The following KCNK10 variants were observed in gnomAD, a reference collection of about 807,000 sequenced individuals.
The protein encoded by KCNK10 is potassium channel subfamily K member 10.
A neutral mutation model predicts 47.7 loss-of-function variants in KCNK10; 25 were observed. That is an observed-to-expected ratio of 0.52 (90% CI 0.38 to 0.73). The LOEUF is 0.73. Among genes scored for constraint, KCNK10 ranks in the 30% least tolerant of loss-of-function variants. The pLI, the probability that KCNK10 is intolerant of heterozygous loss-of-function variation, is 0.00. For synonymous variants in KCNK10, 303 were observed against 285.6 expected, an observed-to-expected ratio of 1.06 and a Z score of -0.61; for missense variants, 563 against 714.5, an observed-to-expected ratio of 0.79 and a Z score of 2.42.
At chr14:88,281,010 C>T (rs1425601032) in intron 1 of KCNK10, among the ~76,000 whole-genome samples, 1 of 150,544 alleles carries the variant, frequency 6.6e-6, no homozygotes, top group Non-Finnish European at 1.5e-5. Context: ...AAACTCAGTG[C>T]CTCTCATCGT....
intron 1 of KCNK10, among the ~76,000 whole-genome samples, chr14:88,302,514 A>C (rs927089081): frequency 1.4e-4 from 21 of 152,212 alleles, no homozygotes; most frequent in Non-Finnish European, 3.1e-4. Flanking sequence ...GTTCAAGACC[A>C]GTCTGGCCAA....
intron 1 of KCNK10, among the ~76,000 whole-genome samples, chr14:88,311,719 A>C (rs1239384079): frequency 3.3e-5 from 5 of 152,200 alleles, no homozygotes; most frequent in African/African-American, 1.2e-4. Context: ...CTTAGTCTGG[A>C]TCATAATGAA....
intron 1 of KCNK10, among the ~76,000 whole-genome samples, chr14:88,293,711 G>A (rs1377820255): frequency 6.6e-6 from 1 of 151,728 alleles, no homozygotes; most frequent in Non-Finnish European, 1.5e-5. Context: ...GTCTTGCTCT[G>A]TTTACCCAGG....
In KCNK10 at chr14:88,213,289, A is replaced by C. The variant is rs990304795; in HGVS notation, c.681+14086T>G. Among the ~76,000 whole-genome samples the C allele has an allele frequency of 2.7e-5, 4 of 150,764 alleles. No individual in the cohort carries two copies. The East Asian group carries it at 7.7e-4, about 29-fold the overall frequency. The stretch of plus-strand genomic sequence containing the variant: ...TAACATGAGGCTAAATGTAAAAAGA[A>C]AAAAAAAATTACGATAATTTTTTAA... On this transcript the variant is annotated intron_variant, in intron 4 of 6. Transcript: ENST00000319231.
intron 4 of KCNK10, among the ~76,000 whole-genome samples, chr14:88,218,519 T>C (rs1449651738): frequency 7.7e-6 from 1 of 130,394 alleles, no homozygotes; most frequent in Non-Finnish European, 1.7e-5. Context: ...CATAAGCAAA[T>C]AAACATTTCT....
At chr14:88,308,282 G>A (rs758234208) in intron 1 of KCNK10, among the ~76,000 whole-genome samples, 8 of 152,062 alleles carry the variant, frequency 5.3e-5, no homozygotes, top group Non-Finnish European at 1.0e-4. Flanking sequence ...ATGGAAGTGC[G>A]GCCTCAAACT....
At chr14:88,213,070 A>G (rs1003871998) in intron 4 of KCNK10, among the ~76,000 whole-genome samples, 17 of 152,216 alleles carry the variant, frequency 1.1e-4, no homozygotes, top group Admixed American at 1.0e-3. Context: ...AAAAAGTCAT[A>G]AAGCTATCTA....
At chr14:88,228,213 A>C (rs990307713) in intron 3 of KCNK10, among the ~76,000 whole-genome samples, 1 of 152,148 alleles carries the variant, frequency 6.6e-6, no homozygotes, top group African/African-American at 2.4e-5. Context: ...TCTTGCATTG[A>C]GGGTAATAAG....
In KCNK10 at chr14:88,261,253, G is replaced by T. The variant is rs192530452; in HGVS notation, c.402+1949C>A. 2.6e-5 allele frequency among the ~76,000 whole-genome samples: 4 copies of T among 152,120 alleles called. No homozygotes were observed. In the South Asian group the frequency reaches 6.2e-4, roughly 24 times the overall value. On this transcript the variant is annotated intron_variant, in intron 2 of 6. Coordinates refer to ENST00000319231, the MANE Select transcript of KCNK10 (RefSeq NM_138317.3). ...CACAATACTAGATTCACTTCAGAAC[G>T]CCTATCAGGTTATTATGACGTGTCT...
Position 88,187,985 on chromosome 14 carries a change from G to A in KCNK10, c.993C>T (p.Ser331=). 6.2e-7 allele frequency: 1 copy of A among 1,613,916 alleles called. No individual in the cohort carries two copies. Among genetic ancestry groups the A allele is most frequent in the Non-Finnish European group, 8.5e-7 (1 of 1,179,996 alleles). Residue 331 remains serine (S), a synonymous_variant, in exon 6 of 7, where the codon TCC becomes TCT. Coordinates refer to ENST00000319231, the MANE Select transcript of KCNK10 (RefSeq NM_138317.3). The part of the protein sequence containing the change: ...SMIGDWLRVL[S]KKTKEEVGEI... ...GTCCTACCTCTTCTTTTGTCTTTTT[G>A]GACAGAACCCGTAGCCAATCTCCGA...
At chr14:88,255,691 G>C (rs929418874) in intron 2 of KCNK10, among the ~76,000 whole-genome samples, 1 of 151,916 alleles carries the variant, frequency 6.6e-6, no homozygotes, top group African/African-American at 2.4e-5. Flanking sequence ...CAGCCTTCCA[G>C]GGAGTGAGAT....
At chr14:88,295,521 G>A (rs764000880) in intron 1 of KCNK10, among the ~76,000 whole-genome samples, 15 of 152,030 alleles carry the variant, frequency 9.9e-5, no homozygotes, top group Admixed American at 5.2e-4. Flanking sequence ...CTAGCCAGGC[G>A]TGGTGGCGGG....
chr14:88,314,299 C>T (rs1046604594), intron 1 of KCNK10, among the ~76,000 whole-genome samples: 4 of 152,056 alleles, frequency 2.6e-5, no homozygotes, highest in Non-Finnish European at 4.4e-5. Context: ...CTTTTTCTAC[C>T]GTGTAAGGAC....
At chr14:88,272,834 G>A (rs1566710810) in intron 1 of KCNK10, among the ~76,000 whole-genome samples, 1 of 152,136 alleles carries the variant, frequency 6.6e-6, no homozygotes, top group Non-Finnish European at 1.5e-5. Flanking sequence ...CAGCAGAGGA[G>A]GAGTCAGAGA....
At position 88,323,147 on chromosome 14, in the gene KCNK10, C is replaced by T; in HGVS notation, c.-349G>A. 1 of 1,142,144 alleles carries T rather than the reference C, an allele frequency of 8.8e-7. No homozygotes were observed. Among genetic ancestry groups the T allele is most frequent in the South Asian group, 2.2e-5 (1 of 46,442 alleles). The allele number at this position is 1,142,144 out of a possible 1,614,324, so 70.8% of individuals were successfully genotyped here. A position where few individuals can be genotyped will look rare whatever the true frequency, so the allele number is the denominator to read the frequency against. On this transcript the variant is annotated 5_prime_UTR_variant, in exon 1 of 7. Transcript: ENST00000319231. The stretch of plus-strand genomic sequence containing the variant: ...AAAAGCGGTGCCGGCAGGTTAGGGG[C>T]TGCGCAGCCTGAAGGCTGGGGCTAC...
chr14:88,260,363 A>G lies in KCNK10; in HGVS notation c.402+2839T>C, dbSNP rs762026476. ...TCTGCCATGATTGTAAGTTTCCTGAAGCCTCCCAAGCCATGCTTCCTGCAC... is the reference window on the plus strand; with the variant it reads ...TCTGCCATGATTGTAAGTTTCCTGAGGCCTCCCAAGCCATGCTTCCTGCAC... On this transcript the variant is annotated intron_variant, in intron 2 of 6. Coordinates refer to ENST00000319231, the MANE Select transcript of KCNK10 (RefSeq NM_138317.3). This position sits in a 1 kb window ranked among gnomAD's most constrained non-coding sequence, Gnocchi z 4.5. 1.3e-5 allele frequency among the ~76,000 whole-genome samples: 2 copies of G among 152,178 alleles called. No homozygotes were observed. The highest frequency in any genetic ancestry group is 2.4e-5 in the African/African-American group (1 of 41,434).
At chr14:88,239,354 A>G (rs555071825) in intron 3 of KCNK10, among the ~76,000 whole-genome samples, 23 of 152,342 alleles carry the variant, frequency 1.5e-4, no homozygotes, top group Admixed American at 1.4e-3. Context: ...ACTGCCTTAT[A>G]TGTAATAGCT....
chr14:88,314,373 TG>T (rs1888387272), intron 1 of KCNK10, among the ~76,000 whole-genome samples: 1 of 152,202 alleles, frequency 6.6e-6, no homozygotes, highest in East Asian at 1.9e-4. Context: ...AATCTACCAG[TG>T]CCTTGATCTT....
Position 88,202,519 on chromosome 14 carries a change from G to C in KCNK10, c.682-10109C>G, listed in dbSNP as rs1386544622. 3.3e-5 allele frequency among the ~76,000 whole-genome samples: 5 copies of C among 152,296 alleles called. No homozygotes were observed. The East Asian group carries it at 7.7e-4, about 24-fold the overall frequency. Reference sequence around the variant, plus strand: ...TCAGACTTTGAACCACACCCATGCAGATGTAACAGGGTTAAACCTTGAAGT... The same window carrying C: ...TCAGACTTTGAACCACACCCATGCACATGTAACAGGGTTAAACCTTGAAGT... On this transcript the variant is annotated intron_variant, in intron 4 of 6. Transcript: ENST00000319231.
Sources: gnomAD v4.1 joint callset for allele counts (sites outside exome capture counted in the v4.1 genomes callset) on GRCh38, gnomAD v4.1.1 for gene constraint, Gnocchi (gnomAD v3.1) non-coding constraint, MANE v1.5 for transcripts, NCBI Gene and HGNC (gene_info 2026-07-23, HGNC 2026-07-21) for gene names.